Variants in CHST11 observed in about 807,000 individuals in gnomAD.
CHST11 encodes carbohydrate sulfotransferase 11, also known as C4S-1.
CHST11 carries 9 observed loss-of-function variants against 30.4 expected under a neutral mutation model. The observed-to-expected ratio is 0.30, with a 90% CI of 0.18 to 0.52. CHST11 has a LOEUF of 0.52. Ranked by LOEUF, CHST11 falls within the 20% of genes least tolerant of loss-of-function variation. CHST11 has a pLI of 0.97. For synonymous variants in CHST11, 152 were observed against 187.8 expected, an observed-to-expected ratio of 0.81 and a Z score of 1.56; for missense variants, 348 against 460.6, an observed-to-expected ratio of 0.76 and a Z score of 2.24.
chr12:104,735,441 G>A (rs2040292413), intron 2 of CHST11, among the ~76,000 whole-genome samples: 1 of 152,188 alleles, frequency 6.6e-6, no homozygotes, highest in African/African-American at 2.4e-5. Flanking sequence ...CGTTCTATAA[G>A]AGAGATGAGC....
At chr12:104,755,670 C>T (rs545498869) in intron 2 of CHST11, among the ~76,000 whole-genome samples, 3 of 152,268 alleles carry the variant, frequency 2.0e-5, no homozygotes, top group South Asian at 2.1e-4. Context: ...CCTGTAATCC[C>T]AGCTACTCGG....
rs1880847 is a variant in CHST11, at chr12:104,645,832, A to C, written c.204+43841A>C. Among the ~76,000 whole-genome samples the C allele has an allele frequency of 4.7e-4, 71 of 152,296 alleles. 1 individual carries two copies. Among genetic ancestry groups the C allele is most frequent in the Non-Finnish European group, 8.8e-5 (6 of 68,014 alleles). ...TTGACAGAGCACCACTCTTTATCCT[A>C]AAGGGTATCCATCTACCTACAAATT... On this transcript the variant is annotated intron_variant, in intron 2 of 2. Coordinates refer to ENST00000303694, the MANE Select transcript of CHST11 (RefSeq NM_018413.6).
intron 2 of CHST11, among the ~76,000 whole-genome samples, chr12:104,674,797 C>G (rs1279804970): frequency 1.3e-5 from 2 of 151,952 alleles, no homozygotes; most frequent in African/African-American, 4.8e-5. Flanking sequence ...ATATAATGCC[C>G]TTGTCTTCTT....
chr12:104,656,481 C>G (rs2039545108), intron 2 of CHST11, among the ~76,000 whole-genome samples: 1 of 152,200 alleles, frequency 6.6e-6, no homozygotes, highest in East Asian at 1.9e-4. Context: ...GCCACAGTAA[C>G]TTTGCATAGA....
At chr12:104,607,650 G>A (rs1309810360) in intron 2 of CHST11, among the ~76,000 whole-genome samples, 1 of 152,156 alleles carries the variant, frequency 6.6e-6, no homozygotes, top group African/African-American at 2.4e-5. Flanking sequence ...CGAGGCCACA[G>A]GGAGACAGTC....
intron 1 of CHST11, among the ~76,000 whole-genome samples, chr12:104,540,205 C>T (rs1370933773): frequency 1.3e-5 from 2 of 151,918 alleles, no homozygotes; most frequent in Admixed American, 6.6e-5. Context: ...AGTGTGGAAC[C>T]CATGAATGTG....
intron 1 of CHST11, among the ~76,000 whole-genome samples, chr12:104,522,589 T>A (rs1228088064): frequency 6.6e-6 from 1 of 152,212 alleles, no homozygotes; most frequent in Non-Finnish European, 1.5e-5. Context: ...TCCGAATCTC[T>A]GGAGATGGGC....
At chr12:104,598,876 A>G (rs2038931601) in intron 1 of CHST11, among the ~76,000 whole-genome samples, 1 of 152,050 alleles carries the variant, frequency 6.6e-6, no homozygotes, top group African/African-American at 2.4e-5. Context: ...CCTCGTGGCC[A>G]GCTGGCCTAG....
intron 1 of CHST11, among the ~76,000 whole-genome samples, chr12:104,480,477 CTGAGGCAGGAGAATTGCTTAAACCTGG>C (rs1395305314): frequency 2.7e-5 from 4 of 150,570 alleles, no homozygotes; most frequent in African/African-American, 9.8e-5. Flanking sequence ...ACTCAGGAGG[CTGAGGCAGGAGAATTGCTTAAACCTGG>C]GAGGCGGAGG....
chr12:104,636,736 T>A (rs1164767), intron 2 of CHST11, among the ~76,000 whole-genome samples: 89,894 of 152,004 alleles, frequency 0.59, 26,940 homozygotes, highest in East Asian at 0.72. Flanking sequence ...TAGCTCATGG[T>A]ATTGTTGTAA....
chr12:104,458,879 G>A lies in CHST11; in HGVS notation c.118+1350G>A, dbSNP rs1310401870. ...ACAGACGCAGTCCCGAATTCATCAA[G>A]CCTGCGTTTGGGTCGATGGCAGAGG... On this transcript the variant is annotated intron_variant, in intron 1 of 2. Transcript: ENST00000303694. The surrounding 1 kb of genome is among the most constrained non-coding windows in gnomAD (Gnocchi z 5.7). Among the ~76,000 whole-genome samples, 1 of 152,220 alleles carries A rather than the reference G, an allele frequency of 6.6e-6. No homozygotes were observed. The highest frequency in any genetic ancestry group is 2.4e-5 in the African/African-American group (1 of 41,454).
chr12:104,467,133 T>A (rs1265790311), intron 1 of CHST11, among the ~76,000 whole-genome samples: 3 of 152,244 alleles, frequency 2.0e-5, no homozygotes, highest in African/African-American at 4.8e-5. Context: ...GGTTATTCAT[T>A]GAAATATGCT....
intron 1 of CHST11, among the ~76,000 whole-genome samples, chr12:104,486,458 G>A (rs2037680104): frequency 6.6e-6 from 1 of 152,196 alleles, no homozygotes; most frequent in African/African-American, 2.4e-5. Context: ...CTTCTTGCCT[G>A]TTGGTGACAC....
chr12:104,668,660 C>T (rs1043093626), intron 2 of CHST11, among the ~76,000 whole-genome samples: 1 of 152,168 alleles, frequency 6.6e-6, no homozygotes, highest in Non-Finnish European at 1.5e-5. Flanking sequence ...CGTTTATTAT[C>T]CCCCCGGGTG....
intron 2 of CHST11, among the ~76,000 whole-genome samples, chr12:104,637,359 A>C (rs577867764): frequency 9.4e-6 from 1 of 105,984 alleles, no homozygotes; most frequent in African/African-American, 3.8e-5. Flanking sequence ...GGGGGGAGGG[A>C]TAGCATTAGG....
chr12:104,528,716 C>T (rs1365067342), intron 1 of CHST11, among the ~76,000 whole-genome samples: 1 of 152,154 alleles, frequency 6.6e-6, no homozygotes, highest in Non-Finnish European at 1.5e-5. Context: ...TTTAAATTCA[C>T]TTTTTGCTCT....
At position 104,513,128 on chromosome 12, in the gene CHST11, G is replaced by C. The variant is rs11613954; in HGVS notation, c.118+55599G>C. Among the ~76,000 whole-genome samples the C allele has an allele frequency of 7.1e-4, 58 of 82,104 alleles. 1 individual carries two copies. The highest frequency in any genetic ancestry group is 2.6e-3 in the South Asian group (5 of 1,954). The allele number at this position is 82,104 out of a possible 152,430, so 53.9% of individuals were successfully genotyped here. A position where few individuals can be genotyped will look rare whatever the true frequency, so the allele number is the denominator to read the frequency against. ...GTGCTTCCAAATGTCATGACTGGGG[G>C]GGGGGGGGGTTGGGGGTGGGGAGGG... On this transcript the variant is annotated intron_variant, in intron 1 of 2. Transcript: ENST00000303694.
At chr12:104,497,372 T>G (rs1387200676) in intron 1 of CHST11, among the ~76,000 whole-genome samples, 1 of 152,178 alleles carries the variant, frequency 6.6e-6, no homozygotes, top group Non-Finnish European at 1.5e-5. Flanking sequence ...CACGGCAAGA[T>G]GGTGGCCGTC....
intron 1 of CHST11, 88 bp downstream of exon 1, chr12:104,457,617 C>T (rs2037365715): frequency 1.0e-6 from 1 of 961,386 alleles, no homozygotes. Flanking sequence ...CTCTTCCAAC[C>T]CTACCTCTCC....
Sources: allele counts gnomAD v4.1 joint callset (sites outside exome capture counted in the v4.1 genomes callset), GRCh38; gene constraint gnomAD v4.1.1; non-coding constraint Gnocchi (gnomAD v3.1); transcripts MANE v1.5; gene names NCBI Gene and HGNC (gene_info 2026-07-23, HGNC 2026-07-21).